The following CFAP161 variants were observed in gnomAD, a reference collection of about 807,000 sequenced individuals.
CFAP161 encodes cilia- and flagella-associated protein 161.
In CFAP161, 25 loss-of-function variants were observed where a neutral mutation model predicts 29.0. The ratio of observed to expected loss-of-function variants is 0.86; its 90% CI spans 0.63 to 1.20. The LOEUF (loss-of-function observed/expected upper bound fraction) is 1.20. Among genes scored for constraint, CFAP161 ranks in the 50% most tolerant of loss-of-function variants. CFAP161 has a pLI of 0.00. For synonymous variants in CFAP161, 116 were observed against 137.4 expected (o/e 0.84, Z 1.09); for missense variants, 367 against 371.9 (o/e 0.99, Z 0.11).
At chr15:81,100,243 A>G (rs1210656060) in intron 1 of CFAP161, among the ~76,000 whole-genome samples, 1 of 58,436 alleles carries the variant, frequency 1.7e-5, no homozygotes, top group Non-Finnish European at 8.7e-5. Context: ...AACTGTATTC[A>G]TAATACTTAT....
At chr15:81,104,747 C>T (rs1336199442) in intron 1 of CFAP161, among the ~76,000 whole-genome samples, 1 of 152,148 alleles carries the variant, frequency 6.6e-6, no homozygotes, top group Non-Finnish European at 1.5e-5. Flanking sequence ...ATCTGGAAAA[C>T]ATTCTTCCAG....
upstream of CFAP161, among the ~76,000 whole-genome samples, chr15:81,129,528 G>C (rs944359919): frequency 6.6e-6 from 1 of 152,162 alleles, no homozygotes; most frequent in Non-Finnish European, 1.5e-5. Flanking sequence ...CACGAGAACA[G>C]TATGGGGAAA....
chr15:81,127,251 C>T (rs544673916), intron 1 of CFAP161, among the ~76,000 whole-genome samples: 2 of 152,332 alleles, frequency 1.3e-5, no homozygotes, highest in South Asian at 4.1e-4. Flanking sequence ...AGCCATCCTG[C>T]ACCCACCATC....
intron 1 of CFAP161, among the ~76,000 whole-genome samples, chr15:81,134,850 C>T (rs1894780326): frequency 6.9e-6 from 1 of 144,084 alleles, no homozygotes. Context: ...CTTTTATTGA[C>T]GTTGTACTCA....
chr15:81,129,867 C>CTTTTTTTT (rs34471478), upstream of CFAP161, among the ~76,000 whole-genome samples: 1 of 130,256 alleles, frequency 7.7e-6, no homozygotes, highest in Non-Finnish European at 1.7e-5. Context: ...TAATGTAAGG[C>CTTTTTTTT]TTTTTTTGCC....
rs11855437 is a variant in CFAP161 at position 81,103,127 on chromosome 15, C to T, written c.-141-24463C>T. Reference sequence around the variant, plus strand: ...ACTTTTATTGAGCACTTAGTATGAGCCTGGCACTGCTCACGTCAAATTTAT... The same window carrying T: ...ACTTTTATTGAGCACTTAGTATGAGTCTGGCACTGCTCACGTCAAATTTAT... On this transcript the variant is annotated intron_variant, in intron 1 of 4. Transcript: ENST00000560091. Among the ~76,000 whole-genome samples, 1,146 of 152,176 alleles carry T rather than the reference C, an allele frequency of 7.5e-3. 16 individuals are homozygous for T. Among genetic ancestry groups the T allele is most frequent in the African/African-American group, 0.026 (1,090 of 41,492 alleles).
chr15:81,117,858 G>C, intron 1 of CFAP161: 1 of 365,056 alleles, frequency 2.7e-6, no homozygotes, highest in Non-Finnish European at 5.3e-6. Context: ...CATTCTCCTA[G>C]TCCTTCTCAT....
chr15:81,103,614 C>T (rs1416855115), intron 1 of CFAP161, among the ~76,000 whole-genome samples: 1 of 152,202 alleles, frequency 6.6e-6, no homozygotes, highest in Non-Finnish European at 1.5e-5. Flanking sequence ...CCCCATAGCT[C>T]GCCATATGCA....
At chr15:81,103,226 A>G (rs1000963233) in intron 1 of CFAP161, among the ~76,000 whole-genome samples, 1 of 152,196 alleles carries the variant, frequency 6.6e-6, no homozygotes. Context: ...TAGTGTTGTG[A>G]TAAAGACTGG....
In CFAP161 at chr15:81,143,813, C is replaced by G. The variant is rs374548803; in HGVS notation, c.629C>G (p.Pro210Arg). ...PQLRLEYEGFPVPANAKILIN... is the reference protein window; with the variant it reads ...PQLRLEYEGFRVPANAKILIN... ...TTACGCCTGGAATATGAAGGCTTCC[C>G]CGTCCCGGTGAGTGCAGCATCGGGA... The change falls in exon 5 of 7, where the codon CCC becomes CGC. Residue 210 changes from proline (P) to arginine (R), a missense_variant. Pro to Arg is a moderately radical substitution (Grantham distance 103). Coordinates refer to ENST00000286732, the MANE Select transcript of CFAP161 (RefSeq NM_173528.4). The G allele has an allele frequency of 4.3e-5, 69 of 1,613,898 alleles. No individual in the cohort carries two copies. The highest frequency in any genetic ancestry group is 5.5e-5 in the Non-Finnish European group (65 of 1,179,944).
At chr15:81,143,360 T>C (rs1894947028) in intron 4 of CFAP161, among the ~76,000 whole-genome samples, 1 of 152,004 alleles carries the variant, frequency 6.6e-6, no homozygotes, top group Admixed American at 6.6e-5. Flanking sequence ...AGTTCCTATA[T>C]CCTGAAGGGG....
At chr15:81,103,094 G>A (rs1258708618) in intron 1 of CFAP161, among the ~76,000 whole-genome samples, 2 of 152,210 alleles carry the variant, frequency 1.3e-5, no homozygotes, top group Non-Finnish European at 2.9e-5. Context: ...TGATGGTGAT[G>A]ATGGGCAACT....
At chr15:81,135,097 TGTA>T (rs1158546586) in intron 1 of CFAP161, among the ~76,000 whole-genome samples, 170 bp from the exon 2 acceptor site, 1 of 152,224 alleles carries the variant, frequency 6.6e-6, no homozygotes, top group African/African-American at 2.4e-5. Flanking sequence ...CATTCTATAA[TGTA>T]GTAAAAATAT....
chr15:81,102,967 G>A (rs1381812932), intron 1 of CFAP161, among the ~76,000 whole-genome samples: 2 of 152,152 alleles, frequency 1.3e-5, no homozygotes, highest in Non-Finnish European at 2.9e-5. Context: ...ATTTTGGAGA[G>A]TCTGCCAGAC....
intron 1 of CFAP161, among the ~76,000 whole-genome samples, chr15:81,126,640 T>G (rs917792891): frequency 5.3e-5 from 8 of 152,234 alleles, no homozygotes; most frequent in African/African-American, 1.9e-4. Flanking sequence ...TTTTGACCTG[T>G]TTGATCTGAG....
rs1895064666 is a variant in CFAP161, at chr15:81,149,084, C to T, written c.*551C>T. The T allele has an allele frequency of 6.6e-6, 1 of 152,264 alleles. No individual in the cohort carries two copies. Among genetic ancestry groups the T allele is most frequent in the Non-Finnish European group, 1.5e-5 (1 of 68,064 alleles). The allele number at this position is 152,264 out of a possible 1,614,324, so 9.4% of individuals were successfully genotyped here. A position where few individuals can be genotyped will look rare whatever the true frequency, so the allele number is the denominator to read the frequency against. On this transcript the variant is annotated 3_prime_UTR_variant, in exon 7 of 7. Transcript: ENST00000286732. ...TTATTTTGTAATGATTTTTAAGCTG[C>T]AGAATCTCTACCTTGTCTTTGAAAC...
chr15:81,138,225 C>A, intron 4 of CFAP161, 90 bp downstream of exon 4: 1 of 1,069,604 alleles, frequency 9.3e-7, no homozygotes, highest in Non-Finnish European at 1.4e-6. Context: ...GGACAGAGAA[C>A]TCCAGAGTCA....
chr15:81,100,697 TCTCTCTC>T (rs777178285), intron 1 of CFAP161, among the ~76,000 whole-genome samples: 14 of 74,844 alleles, frequency 1.9e-4, no homozygotes, highest in South Asian at 6.6e-4. Flanking sequence ...TTTTCCTCTC[TCTCTCTC>T]TTTTTTTTTT....
upstream of CFAP161, among the ~76,000 whole-genome samples, chr15:81,132,795 A>G (rs535633874): frequency 1.3e-5 from 2 of 152,268 alleles, no homozygotes; most frequent in East Asian, 3.9e-4. Flanking sequence ...ACAAACAAAC[A>G]TGACTTTGGA....
Sources: gnomAD v4.1 joint callset for allele counts (sites outside exome capture counted in the v4.1 genomes callset) on GRCh38, gnomAD v4.1.1 for gene constraint, MANE v1.5 for transcripts, NCBI Gene and HGNC (gene_info 2026-07-23, HGNC 2026-07-21) for gene names.